CRYBG1: variants seen among roughly 807,000 people sequenced by gnomAD.
CRYBG1 encodes beta/gamma crystallin domain-containing protein 1.
CRYBG1 carries 139 observed loss-of-function variants against 189.2 expected under a neutral mutation model. That is an observed-to-expected ratio of 0.73 (90% CI 0.64 to 0.85). The LOEUF (loss-of-function observed/expected upper bound fraction) is 0.85. CRYBG1 is among the 40% of genes least tolerant of loss of function. The pLI is 0.00. For missense variants in CRYBG1, 2,611 were observed against 2,675.8 expected (o/e 0.98, Z 0.53); for synonymous variants, 1,023 against 1,017.1 (o/e 1.01, Z -0.11).
chr6:106,478,372 A>C (rs1772376982), intron 2 of CRYBG1, among the ~76,000 whole-genome samples: 2 of 152,226 alleles, frequency 1.3e-5, no homozygotes, highest in African/African-American at 4.8e-5. Flanking sequence ...GATGACAGCT[A>C]CAATCTAGAA....
chr6:106,434,111 C>T (rs910567022), intron 1 of CRYBG1, among the ~76,000 whole-genome samples: 1 of 151,316 alleles, frequency 6.6e-6, no homozygotes, highest in Non-Finnish European at 1.5e-5. Context: ...TCCTCAATGG[C>T]TATTGGCTGG....
intron 8 of CRYBG1, among the ~76,000 whole-genome samples, chr6:106,533,983 T>C (rs568214565): frequency 6.6e-6 from 1 of 152,158 alleles, no homozygotes; most frequent in Non-Finnish European, 1.5e-5. Flanking sequence ...ATTTAGAGAC[T>C]GGGAAGAAAA....
chr6:106,488,274 A>T (rs6902407), intron 2 of CRYBG1, among the ~76,000 whole-genome samples: 10 of 152,012 alleles, frequency 6.6e-5, no homozygotes, highest in East Asian at 3.9e-4. Context: ...TCTGGGTCAG[A>T]TGCGTATAGG....
At position 106,521,188 on chromosome 6, in the gene CRYBG1, C is replaced by G. The variant is rs1481769166; in HGVS notation, c.3980C>G (p.Pro1327Arg). ...SSTSHSSLKS[P>R]SHMEKYPQKE... ...ACATCACACTCCAGTTTGAAAAGTC[C>G]AAGCCACATGGAAAAATACCCGCAA... The change falls in exon 4 of 22, where the codon CCA (proline) becomes CGA (arginine). Residue 1327 changes from proline (P) to arginine (R), a missense_variant. This residue lies in a region of CRYBG1 where 1,622 missense variants were observed against 1,735.0 expected (regional missense o/e 0.93). Coordinates refer to ENST00000633556, the MANE Select transcript of CRYBG1 (RefSeq NM_001371242.2). The G allele has an allele frequency of 1.1e-5, 17 of 1,613,988 alleles. No homozygotes were observed. Among genetic ancestry groups the G allele is most frequent in the Non-Finnish European group, 1.4e-5 (17 of 1,180,024 alleles).
chr6:106,447,734 C>T (rs1472877974), intron 1 of CRYBG1, among the ~76,000 whole-genome samples: 2 of 151,976 alleles, frequency 1.3e-5, no homozygotes, highest in Admixed American at 1.3e-4. Flanking sequence ...CCAGAGGTAA[C>T]CATTATTCGG....
At chr6:106,368,651 C>T (rs1190702094) in intron 1 of CRYBG1, among the ~76,000 whole-genome samples, 4 of 152,190 alleles carry the variant, frequency 2.6e-5, no homozygotes, top group African/African-American at 9.6e-5. Flanking sequence ...AGTCTTCCCT[C>T]TAGAGAGTGA....
chr6:106,392,499 A>G (rs1770527520), intron 1 of CRYBG1, among the ~76,000 whole-genome samples: 1 of 152,224 alleles, frequency 6.6e-6, no homozygotes, highest in African/African-American at 2.4e-5. Flanking sequence ...AAAGAGAATC[A>G]GGAAGGGAAA....
intron 1 of CRYBG1, among the ~76,000 whole-genome samples, chr6:106,445,039 A>C (rs907798209): frequency 1.3e-5 from 2 of 152,194 alleles, no homozygotes; most frequent in Non-Finnish European, 2.9e-5. Flanking sequence ...AGGTGAATGC[A>C]ATCAGGAAGT....
At chr6:106,422,132 G>T (rs1199826402) in intron 1 of CRYBG1, among the ~76,000 whole-genome samples, 1 of 152,002 alleles carries the variant, frequency 6.6e-6, no homozygotes, top group Non-Finnish European at 1.5e-5. Flanking sequence ...CAGTCTGTGG[G>T]TTTTTTCTGA....
At chr6:106,464,905 TA>T (rs1772081286) in intron 2 of CRYBG1, among the ~76,000 whole-genome samples, 1 of 152,164 alleles carries the variant, frequency 6.6e-6, no homozygotes, top group South Asian at 2.1e-4. Context: ...ATCATAAAAA[TA>T]AAAAATACCC....
intron 1 of CRYBG1, among the ~76,000 whole-genome samples, chr6:106,437,141 T>C (rs1771475810): frequency 6.6e-6 from 1 of 152,190 alleles, no homozygotes; most frequent in Admixed American, 6.5e-5. Context: ...TAAAATTGTA[T>C]CCTATTGTTA....
intron 4 of CRYBG1, among the ~76,000 whole-genome samples, chr6:106,522,602 C>A (rs535919487): frequency 6.6e-6 from 1 of 152,144 alleles, no homozygotes; most frequent in South Asian, 2.1e-4. Context: ...GTTTAGTGAT[C>A]AGCTCTGCCA....
chr6:106,456,746 T>C (rs890480131), intron 2 of CRYBG1, among the ~76,000 whole-genome samples: 1 of 152,182 alleles, frequency 6.6e-6, no homozygotes. Flanking sequence ...AAAGGTCCAC[T>C]GGTGTTTCTC....
chr6:106,367,218 C>A (rs1772017987), intron 1 of CRYBG1, among the ~76,000 whole-genome samples: 1 of 152,216 alleles, frequency 6.6e-6, no homozygotes, highest in Non-Finnish European at 1.5e-5. Flanking sequence ...GTGGCAGTGA[C>A]ATAAACCCTT....
intron 2 of CRYBG1, among the ~76,000 whole-genome samples, chr6:106,475,548 A>C (rs893925945): frequency 2.0e-5 from 3 of 152,204 alleles, no homozygotes; most frequent in African/African-American, 7.2e-5. Context: ...ACAGGCAAGC[A>C]CTACGTGTGT....
intron 1 of CRYBG1, among the ~76,000 whole-genome samples, chr6:106,362,282 G>C (rs9372124): frequency 0.67 from 100,963 of 151,684 alleles, 33,779 homozygotes; most frequent in African/African-American, 0.73. Context: ...CCTTTTATTT[G>C]TAAAAAAAGT....
At position 106,556,541 on chromosome 6, in the gene CRYBG1, G is replaced by A. The variant is rs528750579; in HGVS notation, c.5715+644G>A. On this transcript the variant is annotated intron_variant, in intron 17 of 21. Transcript: ENST00000633556. Reference sequence around the variant, plus strand: ...GACTTCTCCCAGTTTGCCACTATGTGCTAATCCAGATTATAGTGCCCTCTT... The same window carrying A: ...GACTTCTCCCAGTTTGCCACTATGTACTAATCCAGATTATAGTGCCCTCTT... Among the ~76,000 whole-genome samples the A allele has an allele frequency of 5.3e-5, 8 of 152,254 alleles. No homozygotes were observed. In the South Asian group the frequency reaches 1.7e-3, roughly 32 times the overall value.
At chr6:106,365,107 T>C (rs1400109997) in intron 1 of CRYBG1, among the ~76,000 whole-genome samples, 1 of 152,186 alleles carries the variant, frequency 6.6e-6, no homozygotes, top group Non-Finnish European at 1.5e-5. Context: ...TTTTGGTTTT[T>C]TTAAATATTA....
chr6:106,360,846 C>T lies in CRYBG1; in HGVS notation c.-63C>T, dbSNP rs189623408. The T allele has an allele frequency of 1.4e-4, 200 of 1,465,082 alleles. No homozygotes were observed. In the African/African-American group the frequency reaches 2.6e-3, roughly 19 times the overall value. The allele number at this position is 1,465,082 out of a possible 1,614,324, so 90.8% of individuals were successfully genotyped here. On this transcript the variant is annotated 5_prime_UTR_variant, in exon 1 of 22. Transcript: ENST00000633556. ...GAGCTGGCGCTCAGGTGTGTTCTTC[C>T]ATAGGGCCCGGGCGGCAGAGAGGAC...
Sources: allele counts gnomAD v4.1 joint callset (sites outside exome capture counted in the v4.1 genomes callset), GRCh38; gene constraint gnomAD v4.1.1; regional missense constraint gnomAD v4.1.1; transcripts MANE v1.5; gene names NCBI Gene and HGNC (gene_info 2026-07-23, HGNC 2026-07-21).